COPB1: variants seen among roughly 807,000 people sequenced by gnomAD.
COPB1 encodes the protein coat protein complex I subunit beta 1, also known as coatomer subunit beta.
Under a neutral mutation model 108.7 loss-of-function variants are expected in COPB1, and 21 were observed. The observed-to-expected ratio is 0.19, with a 90% CI of 0.14 to 0.28. The LOEUF (loss-of-function observed/expected upper bound fraction) is 0.28, where lower values mean the gene tolerates loss of function less well. COPB1 is among the 10% of genes least tolerant of loss of function. The pLI is 1.00. For synonymous variants in COPB1, 378 were observed against 386.8 expected (o/e 0.98, Z 0.27); for missense variants, 919 against 1,141.3 (o/e 0.81, Z 2.81).
rs1355352603 is a variant in COPB1, at chr11:14,486,382, T to C, written c.822A>G (p.Ala274=). The part of the protein sequence containing the change: ...AAGTLVTLSS[A]PTAIKAAAQC... ...TACACAGTACCTTGATTGCAGTTGGTGCACTAGAGAGTGTCACTAATGTCC... is the reference window on the plus strand; with the variant it reads ...TACACAGTACCTTGATTGCAGTTGGCGCACTAGAGAGTGTCACTAATGTCC... The change falls in exon 7 of 22, where the codon GCA becomes GCG. Residue 274 remains alanine (A), a synonymous_variant. Transcript: ENST00000439561. The C allele has an allele frequency of 6.8e-6, 11 of 1,614,040 alleles. No homozygotes were observed. In the African/African-American group the frequency reaches 9.3e-5, roughly 14 times the overall value.
intron 2 of COPB1, among the ~76,000 whole-genome samples, chr11:14,496,978 A>G (rs1304057317): frequency 6.6e-6 from 1 of 152,216 alleles, no homozygotes; most frequent in Non-Finnish European, 1.5e-5. Flanking sequence ...TGGTGCTTGG[A>G]AAACTATGTG....
chr11:14,486,574 A>C, intron 6 of COPB1, 70 bp from the exon 7 acceptor site: 1 of 1,576,170 alleles, frequency 6.3e-7, no homozygotes, highest in Non-Finnish European at 8.6e-7. Flanking sequence ...TTTTTTCATG[A>C]ATGTCAGCTT....
chr11:14,461,464 G>T, intron 18 of COPB1, 133 bp from the exon 19 acceptor site: 3 of 854,172 alleles, frequency 3.5e-6, no homozygotes, highest in Admixed American at 3.1e-5. Flanking sequence ...TATGTACAGA[G>T]CTCTATTCTA....
intron 20 of COPB1, 76 bp from the exon 21 acceptor site, chr11:14,458,763 C>A: frequency 1.8e-5 from 14 of 795,716 alleles, no homozygotes; most frequent in Non-Finnish European, 2.3e-5. Flanking sequence ...GCATAGGTGA[C>A]TTTTTTTTTT....
chr11:14,498,121 A>G (rs1362687563), intron 2 of COPB1, among the ~76,000 whole-genome samples: 3 of 152,242 alleles, frequency 2.0e-5, no homozygotes, highest in African/African-American at 7.2e-5. Flanking sequence ...CACACAGGGT[A>G]ACTACAGTCA....
intron 8 of COPB1, among the ~76,000 whole-genome samples, chr11:14,481,303 A>C (rs1365032158): frequency 6.6e-6 from 1 of 152,238 alleles, no homozygotes; most frequent in African/African-American, 2.4e-5. Context: ...TCAAACTGAT[A>C]ATGTTTACTT....
chr11:14,493,677 T>C lies in COPB1; in HGVS notation c.456A>G (p.Arg152=). The change falls in exon 4 of 22, where the codon AGA becomes AGG. Residue 152 remains arginine (R), a synonymous_variant. Transcript: ENST00000439561. ...TATAGATGGCCAAAACAGCATTTCT[T>C]CTAACATAGCTGTGTCGATGCTCCA... The part of the protein sequence containing the change: ...ACLEHRHSYV[R]RNAVLAIYTI... The C allele has an allele frequency of 6.2e-7, 1 of 1,612,654 alleles. No individual in the cohort carries two copies. The highest frequency in any genetic ancestry group is 8.5e-7 in the Non-Finnish European group (1 of 1,179,568).
In COPB1 at chr11:14,480,691, CA is replaced by C. The variant is rs1230663868; in HGVS notation, c.1212+67del. The C allele has an allele frequency of 4.1e-6, 6 of 1,475,152 alleles. No individual in the cohort carries two copies. In the East Asian group the frequency reaches 1.5e-4, roughly 36 times the overall value. The allele number at this position is 1,475,152 out of a possible 1,614,324, so 91.4% of individuals were successfully genotyped here. Reference sequence around the variant, plus strand: ...GGCAGCTGAGATTTCTGGAGTTTGTCAAATAACTATATTTTTTAAAAAATTC... The same window carrying C: ...GGCAGCTGAGATTTCTGGAGTTTGTCAATAACTATATTTTTTAAAAAATTC... On this transcript the variant is annotated intron_variant, in intron 10 of 21. Coordinates refer to ENST00000439561, the MANE Select transcript of COPB1 (RefSeq NM_001144061.2).
Position 14,498,989 on chromosome 11 carries a change from G to T in COPB1, c.-57-4C>A. 2.4e-6 allele frequency: 3 copies of T among 1,268,020 alleles called. No homozygotes were observed. Among genetic ancestry groups the T allele is most frequent in the Non-Finnish European group, 3.2e-6 (3 of 926,988 alleles). The allele number at this position is 1,268,020 out of a possible 1,614,324, so 78.5% of individuals were successfully genotyped here. A position where few individuals can be genotyped will look rare whatever the true frequency, so the allele number is the denominator to read the frequency against. On this transcript the variant is annotated splice_polypyrimidine_tract_variant and splice_region_variant and intron_variant, in intron 1 of 21. Coordinates refer to ENST00000439561, the MANE Select transcript of COPB1 (RefSeq NM_001144061.2). ...AGATTTAAGGATGCCAGAAAATCTA[G>T]AAAAATAAACACAGACATATCATTA...
At chr11:14,484,606 T>C (rs1035630081) in intron 7 of COPB1, among the ~76,000 whole-genome samples, 2 of 152,164 alleles carry the variant, frequency 1.3e-5, no homozygotes, top group Non-Finnish European at 2.9e-5. Context: ...TAGTCCCAGC[T>C]ACTCAGGAGG....
chr11:14,486,297 G>A, intron 7 of COPB1, 70 bp downstream of exon 7: 2 of 1,536,124 alleles, frequency 1.3e-6, no homozygotes, highest in South Asian at 1.1e-5. Context: ...GAATTGAAAT[G>A]TCACTAAATC....
intron 21 of COPB1, among the ~76,000 whole-genome samples, 176 bp downstream of exon 21, chr11:14,458,356 C>T (rs1311480924): frequency 6.6e-6 from 1 of 151,940 alleles, no homozygotes; most frequent in African/African-American, 2.4e-5. Context: ...GAATGAGGGG[C>T]CCAAAAGGTG....
chr11:14,475,841 G>C lies in COPB1; in HGVS notation c.1560C>G (p.Thr520=). The C allele has an allele frequency of 6.2e-7, 1 of 1,613,516 alleles. No individual in the cohort carries two copies. The highest frequency in any genetic ancestry group is 8.5e-7 in the Non-Finnish European group (1 of 1,179,804). The change falls in exon 13 of 22, where the codon ACC becomes ACG. Residue 520 remains threonine, a synonymous_variant. Transcript: ENST00000439561. ...PVQKLVTEMG[T]YATQSALSSS... ...TGCTAAGGGCACTCTGAGTTGCATA[G>C]GTACCCATTTCAGTAACCAATTTCT...
At position 14,483,027 on chromosome 11, in the gene COPB1, C is replaced by A; in HGVS notation, c.957+5G>T. 6.5e-7 allele frequency: 1 copy of A among 1,540,072 alleles called. No homozygotes were observed. The highest frequency in any genetic ancestry group is 1.2e-5 in the South Asian group (1 of 84,062). On this transcript the variant is annotated splice_donor_5th_base_variant and intron_variant, in intron 8 of 21. Transcript: ENST00000439561. ...TAGGATCTCTCTTTTTCAGATAACA[C>A]TTACCTGTAGTACTCGTTCATGAGC... is the stretch of plus-strand genomic sequence containing the variant.
At position 14,479,551 on chromosome 11, in the gene COPB1, A is replaced by G. The variant is rs757716879; in HGVS notation, c.1358+18T>C. 1 of 1,586,462 alleles carries G rather than the reference A, an allele frequency of 6.3e-7. No homozygotes were observed. Among genetic ancestry groups the G allele is most frequent in the Non-Finnish European group, 8.6e-7 (1 of 1,168,474 alleles). The stretch of plus-strand genomic sequence containing the variant: ...AAATGCTTACTTGACCTTACATTTA[A>G]ATGTATTTTAAACCTACTTGACAGA... On this transcript the variant is annotated intron_variant, in intron 11 of 21. Transcript: ENST00000439561.
chr11:14,493,816 T>C lies in COPB1; in HGVS notation c.322-5A>G, dbSNP rs755175594. The C allele has an allele frequency of 6.5e-7, 1 of 1,549,968 alleles. No homozygotes were observed. The highest frequency in any genetic ancestry group is 1.4e-5 in the African/African-American group (1 of 72,022). ...TTCATTAGGATGTTGAAGATCCTGATATAAAAATTAAAATATGAAATGCTG... is the reference window on the plus strand; with the variant it reads ...TTCATTAGGATGTTGAAGATCCTGACATAAAAATTAAAATATGAAATGCTG... On this transcript the variant is annotated splice_polypyrimidine_tract_variant and splice_region_variant and intron_variant, in intron 3 of 21. Transcript: ENST00000439561.
chr11:14,485,939 A>G (rs568433034), intron 7 of COPB1, among the ~76,000 whole-genome samples: 1 of 152,344 alleles, frequency 6.6e-6, no homozygotes, highest in South Asian at 2.1e-4. Flanking sequence ...TAAGAAAAGC[A>G]TAAGGAAAAT....
chr11:14,469,388 G>C lies in COPB1; in HGVS notation c.1913C>G (p.Ser638Cys). 1.2e-6 allele frequency: 2 copies of C among 1,614,154 alleles called. No homozygotes were observed. The highest frequency in any genetic ancestry group is 1.7e-6 in the Non-Finnish European group (2 of 1,180,018). ...TTTAGCAGATAACATGTGAGAAAGG[G>C]ACTGTCTGCATTCCTTATTGAAAAT... is the stretch of plus-strand genomic sequence containing the variant. ...NDIFNKECRQ[S>C]LSHMLSAKLE... Residue 638 changes from serine (S) to cysteine (C), a missense_variant, in exon 15 of 22, where the codon TCC becomes TGC. Ser to Cys is a moderately radical substitution (Grantham distance 112). Coordinates refer to ENST00000439561, the MANE Select transcript of COPB1 (RefSeq NM_001144061.2).
At position 14,466,303 on chromosome 11, in the gene COPB1, T is replaced by C; in HGVS notation, c.2269A>G (p.Thr757Ala). 6.2e-7 allele frequency: 1 copy of C among 1,613,538 alleles called. No homozygotes were observed. The highest frequency in any genetic ancestry group is 8.5e-7 in the Non-Finnish European group (1 of 1,179,738). The change falls in exon 17 of 22, where the codon ACA (threonine) becomes GCA (alanine). Residue 757 changes from threonine (T) to alanine (A), a missense_variant. By Grantham distance (58) the Thr-to-Ala change is moderately conservative (BLOSUM62 0). Coordinates refer to ENST00000439561, the MANE Select transcript of COPB1 (RefSeq NM_001144061.2). ...NQTSDTLQNC[T>A]LELATLGDLK... Reference sequence around the variant, plus strand: ...TCACCTAGTGTAGCTAGTTCTAATGTGCAATTCTGCAAAGTATCACTGGTT... The same window carrying C: ...TCACCTAGTGTAGCTAGTTCTAATGCGCAATTCTGCAAAGTATCACTGGTT...
Sources: allele counts gnomAD v4.1 joint callset (sites outside exome capture counted in the v4.1 genomes callset), GRCh38; gene constraint gnomAD v4.1.1; transcripts MANE v1.5; gene names NCBI Gene and HGNC (gene_info 2026-07-23, HGNC 2026-07-21).